FSTL5: variants seen among roughly 807,000 people sequenced by gnomAD.
FSTL5 encodes the protein follistatin like 5.
FSTL5 carries 62 observed loss-of-function variants against 89.1 expected under a neutral mutation model. The observed-to-expected ratio is 0.70, with a 90% confidence interval of 0.57 to 0.86. The LOEUF (loss-of-function observed/expected upper bound fraction) is 0.86, where lower values mean the gene tolerates loss of function less well. Ranked by LOEUF, FSTL5 falls within the 40% of genes least tolerant of loss-of-function variation. The pLI, the probability that FSTL5 is intolerant of heterozygous loss-of-function variation, is 0.00. For synonymous variants in FSTL5, 383 were observed against 346.2 expected (o/e 1.11, Z -1.18); for missense variants, 1,057 against 1,001.6 (o/e 1.06, Z -0.75).
chr4:161,408,874 G>T (rs937410261), intron 15 of FSTL5, among the ~76,000 whole-genome samples: 1 of 152,096 alleles, frequency 6.6e-6, no homozygotes, highest in Non-Finnish European at 1.5e-5. Context: ...AAATAAAAAA[G>T]AATTAACAAA....
At chr4:161,580,581 GT>G (rs1733397733) in intron 8 of FSTL5, among the ~76,000 whole-genome samples, 1 of 152,146 alleles carries the variant, frequency 6.6e-6, no homozygotes, top group African/African-American at 2.4e-5. Context: ...ATGGATTCTA[GT>G]GTGGACCCCT....
intron 8 of FSTL5, among the ~76,000 whole-genome samples, chr4:161,579,152 G>T (rs1733339195): frequency 6.6e-6 from 1 of 152,272 alleles, no homozygotes; most frequent in African/African-American, 2.4e-5. Flanking sequence ...AACATACGTA[G>T]AAGTTAAATG....
At position 161,384,561 on chromosome 4, in the gene FSTL5, T is replaced by C. The variant is rs976686219; in HGVS notation, c.*1186A>G. Reference sequence around the variant, plus strand: ...CAAACTACAGCACATAGTGAGAAGATGCTTTTAGGATTACAAGAAGATGGA... The same window carrying C: ...CAAACTACAGCACATAGTGAGAAGACGCTTTTAGGATTACAAGAAGATGGA... On this transcript the variant is annotated 3_prime_UTR_variant, in exon 16 of 16. Coordinates refer to ENST00000306100, the MANE Select transcript of FSTL5 (RefSeq NM_020116.5). 1 of 152,144 alleles carries C rather than the reference T, an allele frequency of 6.6e-6. No individual in the cohort carries two copies. Among genetic ancestry groups the C allele is most frequent in the Non-Finnish European group, 1.5e-5 (1 of 67,990 alleles). 9.4% of individuals were successfully genotyped at this position (152,144 alleles called of 1,614,324 possible). A position where few individuals can be genotyped will look rare whatever the true frequency, so the allele number is the denominator to read the frequency against.
At chr4:162,076,355 C>T (rs753522) in intron 2 of FSTL5, among the ~76,000 whole-genome samples, 8,358 of 151,914 alleles carry the variant, frequency 0.055, 324 homozygotes, top group East Asian at 0.11. Context: ...CTTTGTATAA[C>T]GCACAGTTGT....
At chr4:162,133,035 T>C (rs1027674245) in intron 1 of FSTL5, among the ~76,000 whole-genome samples, 1 of 152,178 alleles carries the variant, frequency 6.6e-6, no homozygotes, top group African/African-American at 2.4e-5. Context: ...CTCCGCCTCC[T>C]GGGTTCACGC....
At chr4:162,162,926 G>A (rs185664430) in intron 1 of FSTL5, among the ~76,000 whole-genome samples, 72 of 152,264 alleles carry the variant, frequency 4.7e-4, no homozygotes, top group Admixed American at 2.7e-3. Flanking sequence ...GGGTTGCAAG[G>A]GGATGACATT....
At chr4:162,062,729 AT>A (rs2111286272) in intron 2 of FSTL5, among the ~76,000 whole-genome samples, 1 of 151,380 alleles carries the variant, frequency 6.6e-6, no homozygotes, top group African/African-American at 2.4e-5. Context: ...AATGTTAAAA[AT>A]ATATATATGT....
rs1004099882 is a variant in FSTL5, at chr4:161,551,154, G to A, written c.1016-8461C>T. Reference sequence around the variant, plus strand: ...TCTAGTTCTAGATCCCTGAGGAATCGCCACACTGACTTCCACAATGGTTGA... The same window carrying A: ...TCTAGTTCTAGATCCCTGAGGAATCACCACACTGACTTCCACAATGGTTGA... On this transcript the variant is annotated intron_variant, in intron 8 of 15. Coordinates refer to ENST00000306100, the MANE Select transcript of FSTL5 (RefSeq NM_020116.5). Among the ~76,000 whole-genome samples the A allele has an allele frequency of 7.2e-4, 109 of 151,168 alleles. 1 individual carries two copies. The highest frequency in any genetic ancestry group is 2.5e-3 in the African/African-American group (104 of 41,260).
chr4:161,778,631 T>C (rs1005373251), intron 4 of FSTL5, among the ~76,000 whole-genome samples: 7 of 152,230 alleles, frequency 4.6e-5, no homozygotes, highest in Non-Finnish European at 1.0e-4. Context: ...AAGTTCTTTT[T>C]CACAACAAAA....
intron 15 of FSTL5, among the ~76,000 whole-genome samples, chr4:161,402,542 T>C (rs2110910999): frequency 6.6e-6 from 1 of 152,316 alleles, no homozygotes; most frequent in African/African-American, 2.4e-5. Flanking sequence ...TGTAAGGAAA[T>C]TACTCAGATT....
chr4:161,912,575 T>C (rs1266420604), intron 4 of FSTL5, among the ~76,000 whole-genome samples: 1 of 152,164 alleles, frequency 6.6e-6, no homozygotes, highest in Non-Finnish European at 1.5e-5. Context: ...TTCCCATCCA[T>C]GTGGAACTGC....
chr4:161,453,836 C>CTA (rs1329496683), intron 15 of FSTL5, among the ~76,000 whole-genome samples: 1 of 152,150 alleles, frequency 6.6e-6, no homozygotes, highest in Non-Finnish European at 1.5e-5. Flanking sequence ...TCAAGCTACA[C>CTA]CTCTGCCTTA....
At chr4:161,697,298 ACTAGACTCTGGAG>A (rs1738203795) in intron 6 of FSTL5, among the ~76,000 whole-genome samples, 1 of 152,192 alleles carries the variant, frequency 6.6e-6, no homozygotes, top group South Asian at 2.1e-4. Flanking sequence ...CAATTGTTTA[ACTAGACTCTGGAG>A]CTGTGAGATA....
At chr4:161,808,811 T>C (rs201035140) in intron 4 of FSTL5, among the ~76,000 whole-genome samples, 7 of 152,268 alleles carry the variant, frequency 4.6e-5, no homozygotes, top group East Asian at 3.9e-4. Flanking sequence ...AAAACGAAAT[T>C]AAATCACTTG....
rs145972786 is a variant in FSTL5, at chr4:162,012,460, A to C, written c.160+21165T>G. Among the ~76,000 whole-genome samples the C allele has an allele frequency of 6.8e-3, 1,040 of 152,286 alleles. 9 individuals carry two copies. Among genetic ancestry groups the C allele is most frequent in the African/African-American group, 0.023 (965 of 41,558 alleles). The stretch of plus-strand genomic sequence containing the variant: ...AACATGGATTATTACTGAATAGAAA[A>C]TTACAGTGAAAATGAAATAATATAA... On this transcript the variant is annotated intron_variant, in intron 3 of 15. Transcript: ENST00000306100.
chr4:161,823,411 G>T (rs774063118), intron 4 of FSTL5, among the ~76,000 whole-genome samples: 1 of 152,216 alleles, frequency 6.6e-6, no homozygotes, highest in Non-Finnish European at 1.5e-5. Flanking sequence ...GACTGAGACA[G>T]CAGTGGGGCT....
At chr4:161,453,178 G>C (rs1560902257) in intron 15 of FSTL5, among the ~76,000 whole-genome samples, 1 of 152,072 alleles carries the variant, frequency 6.6e-6, no homozygotes, top group Non-Finnish European at 1.5e-5. Flanking sequence ...ATTATACCTA[G>C]TAGTGTCATA....
At chr4:162,115,516 A>G (rs377145866) in intron 1 of FSTL5, among the ~76,000 whole-genome samples, 1 of 152,184 alleles carries the variant, frequency 6.6e-6, no homozygotes. Flanking sequence ...TTGACAGCTC[A>G]CTGACAACAC....
chr4:161,756,984 G>A (rs1431717299), intron 6 of FSTL5, among the ~76,000 whole-genome samples: 1 of 152,106 alleles, frequency 6.6e-6, no homozygotes, highest in Non-Finnish European at 1.5e-5. Context: ...GAGAGATGGA[G>A]GTAGTGGTTA....
Sources: allele counts gnomAD v4.1 joint callset (sites outside exome capture counted in the v4.1 genomes callset), GRCh38; gene constraint gnomAD v4.1.1; transcripts MANE v1.5; gene names NCBI Gene and HGNC (gene_info 2026-07-23, HGNC 2026-07-21).